The following MSH3 variants were observed in gnomAD, a reference collection of about 807,000 sequenced individuals.
MSH3 encodes the protein mutS homolog 3.
In MSH3, 106 loss-of-function variants were observed where a neutral mutation model predicts 123.3. The observed-to-expected ratio is 0.86, with a 90% CI of 0.73 to 1.01. The LOEUF is 1.01. MSH3 is among the 50% of genes least tolerant of loss of function. MSH3 has a pLI of 0.00. For missense variants in MSH3, 1,459 were observed against 1,347.6 expected (o/e 1.08, Z -1.29); for synonymous variants, 515 against 481.4 (o/e 1.07, Z -0.91).
chr5:80,802,756 T>G (rs530955215), intron 19 of MSH3, among the ~76,000 whole-genome samples: 2 of 152,340 alleles, frequency 1.3e-5, no homozygotes, highest in East Asian at 3.9e-4. Flanking sequence ...ACCATCCTTC[T>G]GCTCTTTATC....
chr5:80,711,055 C>G (rs147807012), intron 8 of MSH3, among the ~76,000 whole-genome samples: 1 of 152,072 alleles, frequency 6.6e-6, no homozygotes, highest in Non-Finnish European at 1.5e-5. Context: ...CCAACCATTA[C>G]AAAAGAAGCA....
chr5:80,769,134 A>G (rs937780249), intron 15 of MSH3, 131 bp downstream of exon 15: 1 of 791,604 alleles, frequency 1.3e-6, no homozygotes, highest in Non-Finnish European at 2.0e-6. Flanking sequence ...CCTTGGAAAT[A>G]TGTTGTAATA....
intron 20 of MSH3, among the ~76,000 whole-genome samples, chr5:80,832,461 A>C (rs1329728525): frequency 6.6e-6 from 1 of 152,048 alleles, no homozygotes; most frequent in Admixed American, 6.5e-5. Flanking sequence ...CTCTAGTAAA[A>C]ATACAAAACT....
intron 20 of MSH3, among the ~76,000 whole-genome samples, chr5:80,842,222 T>A (rs947011386): frequency 1.3e-5 from 2 of 152,178 alleles, no homozygotes; most frequent in Non-Finnish European, 2.9e-5. Flanking sequence ...TGTAGATGTG[T>A]GATGTTATTT....
intron 6 of MSH3, among the ~76,000 whole-genome samples, chr5:80,674,265 C>T (rs1244927595): frequency 1.3e-5 from 2 of 152,084 alleles, no homozygotes; most frequent in Non-Finnish European, 2.9e-5. Flanking sequence ...TGCCCCAAAT[C>T]AGCTTTCATC....
chr5:80,832,056 G>T (rs552499736), intron 20 of MSH3, among the ~76,000 whole-genome samples: 1 of 152,176 alleles, frequency 6.6e-6, no homozygotes, highest in African/African-American at 2.4e-5. Context: ...CTTGCAGTGA[G>T]CTGAGATCGC....
intron 22 of MSH3, among the ~76,000 whole-genome samples, chr5:80,865,166 G>A (rs573271847): frequency 2.6e-5 from 4 of 152,206 alleles, no homozygotes; most frequent in Admixed American, 2.0e-4. Flanking sequence ...CTCATTTGTC[G>A]TGGCAACCCT....
intron 20 of MSH3, among the ~76,000 whole-genome samples, chr5:80,821,144 AAG>A (rs1745199304): frequency 6.6e-6 from 1 of 152,194 alleles, no homozygotes; most frequent in African/African-American, 2.4e-5. Context: ...TTACAATTTT[AAG>A]TCCCATCTCT....
chr5:80,668,725 G>A (rs907314099), intron 3 of MSH3, among the ~76,000 whole-genome samples: 2 of 152,242 alleles, frequency 1.3e-5, no homozygotes, highest in East Asian at 3.9e-4. Flanking sequence ...AGATGCCCGG[G>A]TCCACAGCCA....
At chr5:80,753,977 T>C (rs1001089202) in intron 12 of MSH3, among the ~76,000 whole-genome samples, 9 of 152,192 alleles carry the variant, frequency 5.9e-5, no homozygotes, top group African/African-American at 1.9e-4. Context: ...GGCTAGCAAA[T>C]GTCTGCTTGT....
In MSH3 at chr5:80,725,482, G is replaced by T. The variant is rs745733805; in HGVS notation, c.1370G>T (p.Arg457Met). ...SVQDDRIRVE[R>M]MDNIYFEYSH... ...CAGGATGACAGAATTCGAGTCGAAA[G>T]GATGGATAACATTTATTTTGAATAC... The change falls in exon 9 of 24, where the codon AGG becomes ATG. Residue 457 changes from arginine (R) to methionine (M), a missense_variant. Coordinates refer to ENST00000265081, the MANE Select transcript of MSH3 (RefSeq NM_002439.5). The T allele has an allele frequency of 6.2e-7, 1 of 1,613,804 alleles. No individual in the cohort carries two copies.
intron 8 of MSH3, among the ~76,000 whole-genome samples, chr5:80,707,606 C>T (rs1379856195): frequency 6.6e-6 from 1 of 152,068 alleles, no homozygotes; most frequent in Non-Finnish European, 1.5e-5. Flanking sequence ...GTGGCACAAG[C>T]CTGTAGGCCT....
chr5:80,742,437 T>G (rs1265545001), intron 11 of MSH3, among the ~76,000 whole-genome samples: 1 of 152,222 alleles, frequency 6.6e-6, no homozygotes, highest in African/African-American at 2.4e-5. Flanking sequence ...TATTATAAAA[T>G]TAATGTTATC....
At chr5:80,699,947 A>T (rs918311937) in intron 8 of MSH3, among the ~76,000 whole-genome samples, 1 of 152,024 alleles carries the variant, frequency 6.6e-6, no homozygotes, top group Non-Finnish European at 1.5e-5. Flanking sequence ...TTTTTTCTTT[A>T]TATTTTGTCT....
chr5:80,829,027 TTGTC>T (rs1745374626), intron 20 of MSH3, among the ~76,000 whole-genome samples: 1 of 152,164 alleles, frequency 6.6e-6, no homozygotes, highest in Non-Finnish European at 1.5e-5. Flanking sequence ...CCACTTGGGG[TTGTC>T]TGTCCTGGCT....
Position 80,665,051 on chromosome 5 carries a change from C to T in MSH3, c.359-92C>T, listed in dbSNP as rs1045247731. Reference sequence around the variant, plus strand: ...TTAGATTCATTGCTTTATTGGGAATCTACCTCTTTAAAAAATTCTATGCTG... The same window carrying T: ...TTAGATTCATTGCTTTATTGGGAATTTACCTCTTTAAAAAATTCTATGCTG... On this transcript the variant is annotated intron_variant, in intron 2 of 23. Coordinates refer to ENST00000265081, the MANE Select transcript of MSH3 (RefSeq NM_002439.5). The T allele has an allele frequency of 8.9e-6, 8 of 901,632 alleles. No homozygotes were observed. In the African/African-American group the frequency reaches 1.4e-4, roughly 15 times the overall value. The allele number at this position is 901,632 out of a possible 1,614,324, so 55.9% of individuals were successfully genotyped here.
intron 19 of MSH3, among the ~76,000 whole-genome samples, chr5:80,795,309 T>A (rs1744677675): frequency 6.6e-6 from 1 of 152,204 alleles, no homozygotes; most frequent in African/African-American, 2.4e-5. Context: ...TGTCTTAGTC[T>A]GTTCAGGCTG....
chr5:80,694,443 T>C lies in MSH3; in HGVS notation c.1340+15350T>C, dbSNP rs1053196953. 3.3e-5 allele frequency among the ~76,000 whole-genome samples: 5 copies of C among 152,152 alleles called. 1 individual carries two copies. The highest frequency in any genetic ancestry group is 1.2e-4 in the African/African-American group (5 of 41,432). On this transcript the variant is annotated intron_variant, in intron 8 of 23. Transcript: ENST00000265081. ...GTCTATGCTTCTTTATCCTCCCCCA[T>C]TTATAATATAATTACCTTAAATATT...
intron 8 of MSH3, among the ~76,000 whole-genome samples, chr5:80,716,077 T>C (rs994231240): frequency 7.2e-5 from 11 of 152,206 alleles, no homozygotes; most frequent in Non-Finnish European, 1.6e-4. Flanking sequence ...ACTCCATAAA[T>C]GTCTGCTAAG....
Sources: allele counts gnomAD v4.1 joint callset (sites outside exome capture counted in the v4.1 genomes callset), GRCh38; gene constraint gnomAD v4.1.1; transcripts MANE v1.5; gene names NCBI Gene and HGNC (gene_info 2026-07-23, HGNC 2026-07-21).